MAGI1: variants seen among roughly 807,000 people sequenced by gnomAD.
MAGI1 encodes the protein membrane associated guanylate kinase, WW and PDZ domain containing 1.
A neutral mutation model predicts 139.9 loss-of-function variants in MAGI1; 58 were observed. That is an observed-to-expected ratio of 0.41 (90% CI 0.34 to 0.52). The LOEUF is 0.52. MAGI1 is among the 20% of genes least tolerant of loss of function. The pLI, the probability that MAGI1 is intolerant of heterozygous loss-of-function variation, is 0.12. For synonymous variants in MAGI1, 812 were observed against 737.9 expected, an observed-to-expected ratio of 1.10 and a Z score of -1.63; for missense variants, 1,874 against 1,901.6, an observed-to-expected ratio of 0.99 and a Z score of 0.27.
chr3:65,946,319 G>T (rs966063766), intron 1 of MAGI1, among the ~76,000 whole-genome samples: 3 of 152,240 alleles, frequency 2.0e-5, no homozygotes, highest in Non-Finnish European at 4.4e-5. Context: ...TCAGCGTCTT[G>T]TGGGCTATTG....
chr3:65,363,703 C>A (rs1224698015), intron 20 of MAGI1, 95 bp from the exon 21 acceptor site: 2 of 998,510 alleles, frequency 2.0e-6, no homozygotes, highest in East Asian at 2.5e-5. Context: ...ATCTCTATCC[C>A]CCTCTTGGTG....
intron 1 of MAGI1, among the ~76,000 whole-genome samples, chr3:66,023,740 C>T (rs1280800931): frequency 1.3e-5 from 2 of 152,198 alleles, no homozygotes; most frequent in African/African-American, 2.4e-5. Context: ...TATACATAAA[C>T]TTCATTCGTT....
chr3:65,579,017 G>A (rs916306267), intron 2 of MAGI1, among the ~76,000 whole-genome samples: 1 of 151,910 alleles, frequency 6.6e-6, no homozygotes, highest in African/African-American at 2.4e-5. Context: ...TTTTTGCGGG[G>A]GAGGGGTGGG....
intron 1 of MAGI1, chr3:65,843,923 AC>A (rs1248239285): frequency 9.4e-6 from 2 of 213,736 alleles, no homozygotes; most frequent in African/African-American, 4.7e-5. Flanking sequence ...AGAAACCCCC[AC>A]AAAAAGCATG....
intron 5 of MAGI1, among the ~76,000 whole-genome samples, chr3:65,467,309 C>T (rs182221510): frequency 4.6e-5 from 7 of 152,238 alleles, no homozygotes; most frequent in African/African-American, 1.7e-4. Flanking sequence ...TGTACATACA[C>T]GTACATGCAT....
At chr3:65,778,552 A>C (rs1330902774) in intron 1 of MAGI1, among the ~76,000 whole-genome samples, 1 of 152,146 alleles carries the variant, frequency 6.6e-6, no homozygotes, top group South Asian at 2.1e-4. Context: ...TACATATGCA[A>C]TCTGTGTCCT....
chr3:65,656,768 T>A (rs979280586), intron 1 of MAGI1, among the ~76,000 whole-genome samples: 4 of 151,976 alleles, frequency 2.6e-5, no homozygotes, highest in Admixed American at 1.3e-4. Context: ...AGAGGCCAAG[T>A]GGGCAGATCA....
chr3:65,662,063 T>C (rs544220252), intron 1 of MAGI1, among the ~76,000 whole-genome samples: 1 of 152,228 alleles, frequency 6.6e-6, no homozygotes, highest in African/African-American at 2.4e-5. Context: ...TTGTATTTCT[T>C]TATTATTGCT....
At chr3:65,527,062 C>A (rs2078419088) in intron 2 of MAGI1, among the ~76,000 whole-genome samples, 1 of 152,226 alleles carries the variant, frequency 6.6e-6, no homozygotes, top group Admixed American at 6.5e-5. Flanking sequence ...CGTATCTTCT[C>A]TTCTTCCATT....
At chr3:65,775,942 TA>T (rs11371013) in intron 1 of MAGI1, among the ~76,000 whole-genome samples, 12,645 of 143,828 alleles carry the variant, frequency 0.088, 610 homozygotes, top group African/African-American at 0.14. Context: ...ACCCTGTCTT[TA>T]AAAAAAAAAA....
At chr3:65,737,884 C>T (rs2034914321) in intron 1 of MAGI1, among the ~76,000 whole-genome samples, 1 of 151,780 alleles carries the variant, frequency 6.6e-6, no homozygotes, top group Non-Finnish European at 1.5e-5. Context: ...ACACCTCTCT[C>T]CACACACACA....
At chr3:65,691,741 A>G (rs2088675830) in intron 1 of MAGI1, among the ~76,000 whole-genome samples, 1 of 152,330 alleles carries the variant, frequency 6.6e-6, no homozygotes, top group South Asian at 2.1e-4. Flanking sequence ...ATAGTTCCAG[A>G]AGTTATACTG....
chr3:65,547,678 A>T (rs1337346101), intron 2 of MAGI1, among the ~76,000 whole-genome samples: 1 of 151,932 alleles, frequency 6.6e-6, no homozygotes, highest in Non-Finnish European at 1.5e-5. Context: ...GACAAATCCC[A>T]CTTCTGTTTA....
At chr3:65,545,788 A>C (rs1451711432) in intron 2 of MAGI1, among the ~76,000 whole-genome samples, 3 of 152,084 alleles carry the variant, frequency 2.0e-5, no homozygotes, top group South Asian at 2.1e-4. Flanking sequence ...CCTCAAAAAA[A>C]TGTGATGATC....
At chr3:65,372,017 A>G (rs753360931) in intron 18 of MAGI1, 3 of 288,136 alleles carry the variant, frequency 1.0e-5, no homozygotes, top group African/African-American at 2.2e-5. Flanking sequence ...GTTAAGGTCA[A>G]CATGTCTCCC....
chr3:65,635,160 G>A (rs533041037), intron 1 of MAGI1, among the ~76,000 whole-genome samples: 1 of 152,070 alleles, frequency 6.6e-6, no homozygotes, highest in Non-Finnish European at 1.5e-5. Context: ...CACCTCCCAG[G>A]TCCAGGTGAT....
intron 1 of MAGI1, among the ~76,000 whole-genome samples, chr3:65,910,062 C>A (rs898090669): frequency 1.3e-5 from 2 of 152,204 alleles, no homozygotes; most frequent in African/African-American, 4.8e-5. Context: ...TGCTCACTTG[C>A]CCACTGCTCA....
chr3:65,790,206 T>C (rs1362126099), intron 1 of MAGI1, among the ~76,000 whole-genome samples: 1 of 152,138 alleles, frequency 6.6e-6, no homozygotes, highest in African/African-American at 2.4e-5. Context: ...CAAGATGCAA[T>C]ACTTAAAATT....
chr3:65,681,050 C>T (rs1480131874), intron 1 of MAGI1, among the ~76,000 whole-genome samples: 1 of 152,192 alleles, frequency 6.6e-6, no homozygotes, highest in Non-Finnish European at 1.5e-5. Flanking sequence ...TAATCAATAT[C>T]TATAGTGGGG....
Sources: allele counts gnomAD v4.1 joint callset (sites outside exome capture counted in the v4.1 genomes callset), GRCh38; gene constraint gnomAD v4.1.1; transcripts MANE v1.5; gene names NCBI Gene and HGNC (gene_info 2026-07-23, HGNC 2026-07-21).